The following DAB1 variants were observed in gnomAD, a reference collection of about 807,000 sequenced individuals.
The protein encoded by DAB1 is DAB adaptor protein 1.
A neutral mutation model predicts 64.6 loss-of-function variants in DAB1; 15 were observed. The ratio of observed to expected loss-of-function variants is 0.23; its 90% confidence interval spans 0.16 to 0.36. The LOEUF is 0.36. Ranked by LOEUF, DAB1 falls within the 10% of genes least tolerant of loss-of-function variation. The probability of loss-of-function intolerance (pLI) is 1.00; values close to 1 mark genes in which losing one functional copy is unlikely to be tolerated. For missense variants in DAB1, 596 were observed against 706.7 expected (o/e 0.84, Z 1.78); for synonymous variants, 235 against 251.9 (o/e 0.93, Z 0.64).
intron 2 of DAB1, among the ~76,000 whole-genome samples, chr1:57,171,232 G>T (rs1248603945): frequency 6.6e-6 from 1 of 152,146 alleles, no homozygotes; most frequent in African/African-American, 2.4e-5. Context: ...AATTCAAGAA[G>T]ATGCCAGTGA....
intron 1 of DAB1, among the ~76,000 whole-genome samples, chr1:57,397,616 C>G (rs1013180662): frequency 1.3e-4 from 20 of 152,194 alleles, no homozygotes; most frequent in African/African-American, 4.6e-4. Flanking sequence ...AGATGTGTCC[C>G]TACACAGCTG....
chr1:57,613,857 C>A (rs539497905), intron 7 of DAB1, among the ~76,000 whole-genome samples: 9 of 152,302 alleles, frequency 5.9e-5, no homozygotes, highest in African/African-American at 2.2e-4. Context: ...AGGTGGGCAC[C>A]TATTAGCTTC....
intron 3 of DAB1, among the ~76,000 whole-genome samples, chr1:58,412,523 G>C (rs984185523): frequency 6.6e-6 from 1 of 152,142 alleles, no homozygotes; most frequent in African/African-American, 2.4e-5. Flanking sequence ...GCCTCCGCCC[G>C]CCCACCACAT....
intron 2 of DAB1, among the ~76,000 whole-genome samples, chr1:57,149,285 A>G (rs778990982): frequency 2.0e-5 from 3 of 152,176 alleles, no homozygotes; most frequent in Non-Finnish European, 4.4e-5. Context: ...GCTGCTATGA[A>G]CATTTGTGTA....
At chr1:57,266,674 T>G (rs1670612003) in intron 2 of DAB1, among the ~76,000 whole-genome samples, 1 of 152,220 alleles carries the variant, frequency 6.6e-6, no homozygotes, top group Non-Finnish European at 1.5e-5. Flanking sequence ...GTCTGGCTAC[T>G]GACTGTCCAA....
intron 4 of DAB1, among the ~76,000 whole-genome samples, chr1:58,341,226 C>T (rs751990625): frequency 1.2e-4 from 18 of 152,072 alleles, no homozygotes; most frequent in Non-Finnish European, 2.5e-4. Context: ...CAAAATTAGG[C>T]TCATCTCTCT....
intron 3 of DAB1, among the ~76,000 whole-genome samples, chr1:58,456,949 A>G (rs977090731): frequency 2.0e-4 from 31 of 152,166 alleles, no homozygotes; most frequent in African/African-American, 7.5e-4. Context: ...GCATCCCTGT[A>G]AGGTTCTATT....
At chr1:57,329,596 G>A (rs938011624) in intron 1 of DAB1, among the ~76,000 whole-genome samples, 1 of 147,526 alleles carries the variant, frequency 6.8e-6, no homozygotes, top group Non-Finnish European at 1.5e-5. Flanking sequence ...ATTTAGCAAG[G>A]CTATTGATGC....
intron 6 of DAB1, among the ~76,000 whole-genome samples, chr1:57,676,732 T>C (rs189714177): frequency 7.2e-5 from 11 of 152,348 alleles, no homozygotes; most frequent in Admixed American, 7.2e-4. Flanking sequence ...AAATTTTTGC[T>C]GATCTCCAAA....
At chr1:58,402,734 TAC>T (rs1334109753) in intron 3 of DAB1, among the ~76,000 whole-genome samples, 5 of 152,198 alleles carry the variant, frequency 3.3e-5, no homozygotes, top group Non-Finnish European at 4.4e-5. Flanking sequence ...TAGTGTCACG[TAC>T]TAGGCACTAT....
rs1358892090 is a variant in DAB1 at position 57,380,723 on chromosome 1, G to T, written c.-137+43207C>A. 2.0e-5 allele frequency among the ~76,000 whole-genome samples: 3 copies of T among 152,318 alleles called. No individual in the cohort carries two copies. The East Asian group carries it at 5.8e-4, about 29-fold the overall frequency. ...AATAACATGTTACAGCAGTAACTAAGACGTGGGTTTGTCTAAAGTGAATCC... is the reference window on the plus strand; with the variant it reads ...AATAACATGTTACAGCAGTAACTAATACGTGGGTTTGTCTAAAGTGAATCC... On this transcript the variant is annotated intron_variant, in intron 1 of 14. Transcript: ENST00000371236.
chr1:58,259,043 G>A (rs1238163941), intron 4 of DAB1, among the ~76,000 whole-genome samples: 1 of 151,970 alleles, frequency 6.6e-6, no homozygotes, highest in Non-Finnish European at 1.5e-5. Context: ...TAATAATGCT[G>A]GTTTTACAGG....
At chr1:57,561,422 T>C (rs1645050368) in intron 7 of DAB1, among the ~76,000 whole-genome samples, 1 of 152,208 alleles carries the variant, frequency 6.6e-6, no homozygotes, top group African/African-American at 2.4e-5. Flanking sequence ...TCATGGGCTG[T>C]AGCCAATGGT....
chr1:58,057,410 A>G, intron 5 of DAB1, among the ~76,000 whole-genome samples: 1 of 152,236 alleles, frequency 6.6e-6, no homozygotes, highest in East Asian at 1.9e-4. Context: ...ATACTGGATT[A>G]GGGTGAGTCT....
Position 57,993,798 on chromosome 1 carries a change from G to A in DAB1, n.388-109636C>T, listed in dbSNP as rs117005170. 2.0e-3 allele frequency among the ~76,000 whole-genome samples: 309 copies of A among 152,210 alleles called. 5 individuals are homozygous for A. In the East Asian group the frequency reaches 0.05, roughly 25 times the overall value. ...AGACCCTTATTCAAAGGTTTAGCTC[G>A]TTCCTTAGGTCAAAGAAAGTTCAGT... On this transcript the variant is annotated intron_variant and non_coding_transcript_variant, in intron 5 of 20. Coordinates refer to the DAB1 transcript ENST00000485760.
chr1:58,386,593 C>T (rs1299918841), intron 3 of DAB1, among the ~76,000 whole-genome samples: 2 of 152,148 alleles, frequency 1.3e-5, no homozygotes, highest in African/African-American at 2.4e-5. Context: ...CACTTCTGGT[C>T]TTACTACTTT....
chr1:58,145,776 A>T (rs1208601319), intron 5 of DAB1, among the ~76,000 whole-genome samples: 1 of 152,240 alleles, frequency 6.6e-6, no homozygotes, highest in Non-Finnish European at 1.5e-5. Context: ...TTCCACGGAC[A>T]TGCGCTTCAC....
intron 5 of DAB1, among the ~76,000 whole-genome samples, chr1:57,946,438 C>T (rs544416475): frequency 6.6e-6 from 1 of 152,292 alleles, no homozygotes; most frequent in Non-Finnish European, 1.5e-5. Flanking sequence ...ATTGTGCTGC[C>T]ATTTATATTT....
chr1:58,368,097 T>C (rs758864286), intron 3 of DAB1, among the ~76,000 whole-genome samples: 4 of 152,352 alleles, frequency 2.6e-5, no homozygotes, highest in Non-Finnish European at 5.9e-5. Context: ...TACAAAATGT[T>C]TGCTTTCTGG....
Sources: gnomAD v4.1 joint callset for allele counts (sites outside exome capture counted in the v4.1 genomes callset) on GRCh38, gnomAD v4.1.1 for gene constraint, MANE v1.5 for transcripts, NCBI Gene and HGNC (gene_info 2026-07-23, HGNC 2026-07-21) for gene names.